TRAPPC3L: variants seen among roughly 807,000 people sequenced by gnomAD.
TRAPPC3L encodes the protein trafficking protein particle complex subunit 3L.
Under a neutral mutation model 23.7 loss-of-function variants are expected in TRAPPC3L, and 23 were observed. The ratio of observed to expected loss-of-function variants is 0.97; its 90% confidence interval spans 0.70 to 1.37. The LOEUF is 1.37. Ranked by LOEUF, TRAPPC3L falls within the 40% of genes most tolerant of loss-of-function variation. The pLI, the probability that TRAPPC3L is intolerant of heterozygous loss-of-function variation, is 0.00. For missense variants in TRAPPC3L, 212 were observed against 216.8 expected (o/e 0.98, Z 0.14); for synonymous variants, 81 against 77.9 (o/e 1.04, Z -0.21).
chr6:116,537,502 T>C (rs1773173782), intron 3 of TRAPPC3L, among the ~76,000 whole-genome samples: 1 of 152,230 alleles, frequency 6.6e-6, no homozygotes, highest in Non-Finnish European at 1.5e-5. Flanking sequence ...CTTTTCCTGC[T>C]GAGATATGAA....
At chr6:116,506,283 T>C (rs1471181485) in intron 3 of TRAPPC3L, among the ~76,000 whole-genome samples, 1 of 152,228 alleles carries the variant, frequency 6.6e-6, no homozygotes, top group Admixed American at 6.5e-5. Context: ...TCACTGTTCA[T>C]CAGAGAAATG....
At chr6:116,503,338 A>G (rs1771950439) in intron 3 of TRAPPC3L, among the ~76,000 whole-genome samples, 1 of 152,228 alleles carries the variant, frequency 6.6e-6, no homozygotes, top group African/African-American at 2.4e-5. Context: ...TCCTAAATAT[A>G]TGTGCACCCA....
chr6:116,541,531 T>C (rs1376581848), intron 2 of TRAPPC3L, among the ~76,000 whole-genome samples: 1 of 152,180 alleles, frequency 6.6e-6, no homozygotes, highest in Non-Finnish European at 1.5e-5. Context: ...ACGGATTTGA[T>C]GTGAGAGTGC....
At chr6:116,532,424 T>C (rs904304334) in intron 3 of TRAPPC3L, among the ~76,000 whole-genome samples, 3 of 152,164 alleles carry the variant, frequency 2.0e-5, no homozygotes, top group African/African-American at 4.8e-5. Context: ...ATTTTCTAAG[T>C]TCACTTTAAC....
At chr6:116,508,040 C>G (rs1382674413) in intron 3 of TRAPPC3L, among the ~76,000 whole-genome samples, 1 of 152,150 alleles carries the variant, frequency 6.6e-6, no homozygotes, top group East Asian at 1.9e-4. Flanking sequence ...ATTTTGTCAG[C>G]TTGATATGTT....
chr6:116,503,711 G>A (rs1198096898), intron 3 of TRAPPC3L, among the ~76,000 whole-genome samples: 1 of 152,032 alleles, frequency 6.6e-6, no homozygotes, highest in Admixed American at 6.6e-5. Context: ...GAACTCAGGA[G>A]TAAAAAACTC....
At chr6:116,502,458 A>G (rs1347870767) in intron 3 of TRAPPC3L, among the ~76,000 whole-genome samples, 1 of 152,234 alleles carries the variant, frequency 6.6e-6, no homozygotes, top group Non-Finnish European at 1.5e-5. Context: ...TCTTCAGGAT[A>G]TTATCCAGGA....
At chr6:116,539,347 G>T (rs1331406013) in intron 3 of TRAPPC3L, among the ~76,000 whole-genome samples, 2 of 152,042 alleles carry the variant, frequency 1.3e-5, no homozygotes, top group Non-Finnish European at 2.9e-5. Context: ...GAAGATACTC[G>T]AATAACAGTT....
At chr6:116,526,196 G>A (rs1772437007) in intron 3 of TRAPPC3L, among the ~76,000 whole-genome samples, 1 of 152,180 alleles carries the variant, frequency 6.6e-6, no homozygotes, top group East Asian at 1.9e-4. Context: ...AGGTGAGATG[G>A]ACTTTGTTTC....
At chr6:116,545,026 G>C (rs1160608015) in intron 1 of TRAPPC3L, among the ~76,000 whole-genome samples, 1 of 151,636 alleles carries the variant, frequency 6.6e-6, no homozygotes, top group African/African-American at 2.4e-5. Flanking sequence ...AATAAGACTA[G>C]GAAACATTTT....
At chr6:116,509,107 A>AC (rs1772060905) in intron 3 of TRAPPC3L, among the ~76,000 whole-genome samples, 2 of 151,528 alleles carry the variant, frequency 1.3e-5, no homozygotes, top group Non-Finnish European at 2.9e-5. Context: ...AAAAAAAAAA[A>AC]AAAAACCCAC....
intron 3 of TRAPPC3L, among the ~76,000 whole-genome samples, chr6:116,529,424 G>A (rs1049358923): frequency 2.6e-5 from 4 of 152,150 alleles, no homozygotes; most frequent in African/African-American, 9.7e-5. Context: ...TAATGGAAGG[G>A]AAATATGGGG....
intron 3 of TRAPPC3L, among the ~76,000 whole-genome samples, chr6:116,505,099 GA>G (rs1413150751): frequency 2.6e-5 from 4 of 152,208 alleles, no homozygotes; most frequent in Non-Finnish European, 4.4e-5. Flanking sequence ...CAGATGACAT[GA>G]TTGTATATTT....
intron 3 of TRAPPC3L, among the ~76,000 whole-genome samples, chr6:116,515,356 T>C (rs1772202146): frequency 6.6e-6 from 1 of 152,214 alleles, no homozygotes; most frequent in Admixed American, 6.6e-5. Flanking sequence ...TGCCTTCTGG[T>C]TATTTCTTTG....
rs1264413773 is a variant in TRAPPC3L at position 116,494,993 on chromosome 6, A to G, written c.*1961T>C. ...TTTTTTTTTTTTTTTTTTTGTAGAG[A>G]CAGGGGTCTATGTTACCCAAGCTGG... On this transcript the variant is annotated 3_prime_UTR_variant, in exon 5 of 5. Coordinates refer to ENST00000368602, the MANE Select transcript of TRAPPC3L (RefSeq NM_001139444.3). The G allele has an allele frequency of 2.3e-5, 1 of 44,160 alleles. No individual in the cohort carries two copies. Among genetic ancestry groups the G allele is most frequent in the Non-Finnish European group, 4.9e-5 (1 of 20,614 alleles). 2.7% of individuals were successfully genotyped at this position (44,160 alleles called of 1,614,324 possible).
At chr6:116,497,496 A>C (rs141995625) in intron 4 of TRAPPC3L, among the ~76,000 whole-genome samples, 1 of 152,370 alleles carries the variant, frequency 6.6e-6, no homozygotes, top group Non-Finnish European at 1.5e-5. Context: ...TTCTGTCATT[A>C]GCTGAATAAC....
intron 3 of TRAPPC3L, chr6:116,515,890 C>CT: frequency 1.9e-6 from 3 of 1,613,942 alleles, no homozygotes; most frequent in Non-Finnish European, 2.5e-6. Context: ...GCCAGCAACA[C>CT]TATAGCACCC....
intron 4 of TRAPPC3L, among the ~76,000 whole-genome samples, chr6:116,498,671 C>T (rs1771868109): frequency 6.6e-6 from 1 of 152,164 alleles, no homozygotes; most frequent in Non-Finnish European, 1.5e-5. Context: ...TACCAAGGCC[C>T]TTCTGGGTCT....
chr6:116,544,151 A>AAGAAAGAGAGAGAGAG (rs1759017583), intron 1 of TRAPPC3L, among the ~76,000 whole-genome samples: 2 of 132,918 alleles, frequency 1.5e-5, no homozygotes, highest in Non-Finnish European at 3.3e-5. Context: ...AAAGGTGAAG[A>AAGAAAGAGAGAGAGAG]AGAGAGAGAG....
Sources: allele counts gnomAD v4.1 joint callset (sites outside exome capture counted in the v4.1 genomes callset), GRCh38; gene constraint gnomAD v4.1.1; transcripts MANE v1.5; gene names NCBI Gene and HGNC (gene_info 2026-07-23, HGNC 2026-07-21).